Variants in NCKAP5 observed in about 807,000 individuals in gnomAD.
The protein encoded by NCKAP5 is NCK associated protein 5, also known as nck-associated protein 5.
In NCKAP5, 92 loss-of-function variants were observed where a neutral mutation model predicts 167.0. That is an observed-to-expected ratio of 0.55 (90% CI 0.47 to 0.66). The LOEUF (loss-of-function observed/expected upper bound fraction) is 0.66. Among genes scored for constraint, NCKAP5 ranks in the 30% least tolerant of loss-of-function variants. The probability of loss-of-function intolerance (pLI) is 0.00; values close to 1 mark genes in which losing one functional copy is unlikely to be tolerated. For synonymous variants in NCKAP5, 891 were observed against 877.4 expected, an observed-to-expected ratio of 1.02 and a Z score of -0.27; for missense variants, 2,378 against 2,315.0, an observed-to-expected ratio of 1.03 and a Z score of -0.56.
intron 4 of NCKAP5, among the ~76,000 whole-genome samples, chr2:133,298,373 T>C (rs1680112957): frequency 6.6e-6 from 1 of 152,178 alleles, no homozygotes; most frequent in South Asian, 2.1e-4. Flanking sequence ...TCTGACACTA[T>C]ATATAAGGCT....
At chr2:133,396,897 A>G in intron 3 of NCKAP5, among the ~76,000 whole-genome samples, 1 of 152,200 alleles carries the variant, frequency 6.6e-6, no homozygotes. Flanking sequence ...ACAGACTTCA[A>G]TTGAAATTCA....
At chr2:133,545,727 T>C (rs1176091334) in intron 2 of NCKAP5, among the ~76,000 whole-genome samples, 1 of 152,114 alleles carries the variant, frequency 6.6e-6, no homozygotes, top group African/African-American at 2.4e-5. Context: ...TGTGTGAGAA[T>C]TTCGTACCTT....
chr2:133,297,398 T>C (rs1680044445), intron 4 of NCKAP5, among the ~76,000 whole-genome samples: 1 of 152,204 alleles, frequency 6.6e-6, no homozygotes, highest in Non-Finnish European at 1.5e-5. Context: ...TGCTAGACAG[T>C]TATTTATGAA....
At chr2:133,589,008 C>G in the NCKAP5 span, among the ~76,000 whole-genome samples, 2 of 152,144 alleles carry the variant, frequency 1.3e-5, no homozygotes, top group African/African-American at 4.8e-5. Flanking sequence ...CCATTGCAGA[C>G]AAGGTAGCAA....
At position 132,725,864 on chromosome 2, in the gene NCKAP5, C is replaced by T; in HGVS notation, c.5581-105G>A. On this transcript the variant is annotated intron_variant, in intron 18 of 19. Coordinates refer to ENST00000409261, the MANE Select transcript of NCKAP5 (RefSeq NM_207363.3). Reference sequence around the variant, plus strand: ...GTTCACATCTGGCTGTCAATGTGTGCACAGAATTCCATTCCCACTGCCCAG... The same window carrying T: ...GTTCACATCTGGCTGTCAATGTGTGTACAGAATTCCATTCCCACTGCCCAG... The T allele has an allele frequency of 5.8e-6, 7 of 1,208,434 alleles. No individual in the cohort carries two copies. In the South Asian group the frequency reaches 9.9e-5, roughly 17 times the overall value. 74.9% of individuals were successfully genotyped at this position (1,208,434 alleles called of 1,614,324 possible).
At chr2:133,661,183 C>T in the NCKAP5 span, among the ~76,000 whole-genome samples, 9 of 151,282 alleles carry the variant, frequency 5.9e-5, no homozygotes, top group Non-Finnish European at 1.0e-4. Context: ...TAGGTGGGTG[C>T]GAAGAAGATG....
intron 11 of NCKAP5, among the ~76,000 whole-genome samples, chr2:132,836,067 A>G (rs1014924527): frequency 4.6e-5 from 7 of 152,236 alleles, no homozygotes; most frequent in Non-Finnish European, 1.0e-4. Flanking sequence ...ATAGCAAGTG[A>G]GTAGCAGAAC....
chr2:132,851,492 G>A (rs1338939599), intron 11 of NCKAP5, among the ~76,000 whole-genome samples: 1 of 152,168 alleles, frequency 6.6e-6, no homozygotes, highest in Non-Finnish European at 1.5e-5. Context: ...AGCTGCAGCA[G>A]GCCAGGCACA....
At chr2:133,453,389 C>A (rs946993713) in intron 3 of NCKAP5, among the ~76,000 whole-genome samples, 2 of 152,108 alleles carry the variant, frequency 1.3e-5, no homozygotes, top group Admixed American at 6.6e-5. Flanking sequence ...AAATCTCACC[C>A]ACTTAAAATA....
chr2:132,694,986 G>C (rs968858324), intron 19 of NCKAP5, among the ~76,000 whole-genome samples: 1 of 152,150 alleles, frequency 6.6e-6, no homozygotes, highest in Non-Finnish European at 1.5e-5. Context: ...GGTGTCTGGT[G>C]AGGGCTTCTG....
the NCKAP5 span, among the ~76,000 whole-genome samples, chr2:133,640,627 T>A: frequency 6.6e-6 from 1 of 152,176 alleles, no homozygotes; most frequent in Non-Finnish European, 1.5e-5. Flanking sequence ...TAAAACACTT[T>A]CTAGACTACC....
intron 5 of NCKAP5, among the ~76,000 whole-genome samples, chr2:133,135,096 G>A (rs370128132): frequency 4.7e-4 from 72 of 152,146 alleles, no homozygotes; most frequent in African/African-American, 1.7e-3. Context: ...GAGGGCTGGC[G>A]CTAAATAAAC....
chr2:133,616,089 T>C, the NCKAP5 span, among the ~76,000 whole-genome samples: 415 of 151,768 alleles, frequency 2.7e-3, 3 homozygotes, highest in Non-Finnish European at 3.5e-3. Flanking sequence ...AATAAAGATG[T>C]TCTTTGAAAC....
intron 4 of NCKAP5, among the ~76,000 whole-genome samples, chr2:133,241,526 G>A (rs1054349379): frequency 6.6e-6 from 1 of 152,200 alleles, no homozygotes; most frequent in Non-Finnish European, 1.5e-5. Flanking sequence ...CCCTGGCACT[G>A]ACATTCATTT....
chr2:132,782,773 G>A lies in NCKAP5; in HGVS notation c.4038C>T (p.Ser1346=), dbSNP rs930418899. 1 of 1,613,870 alleles carries A rather than the reference G, an allele frequency of 6.2e-7. No homozygotes were observed. The highest frequency in any genetic ancestry group is 8.5e-7 in the Non-Finnish European group (1 of 1,179,810). ...PSVGRPSGHP[S]SGKGSLGSSG... ...AGCTCCCCAGGGAGCCCTTCCCGGA[G>A]GAGGGGTGCCCCGAGGGCCTCCCAA... The change falls in exon 14 of 20, where the codon TCC becomes TCT. Residue 1346 remains serine, a synonymous_variant. Coordinates refer to ENST00000409261, the MANE Select transcript of NCKAP5 (RefSeq NM_207363.3).
chr2:133,636,147 A>G, the NCKAP5 span, among the ~76,000 whole-genome samples: 4 of 152,234 alleles, frequency 2.6e-5, no homozygotes, highest in East Asian at 5.8e-4. Flanking sequence ...GGCGATAAAA[A>G]ACTATCAAAG....
chr2:133,669,113 C>G, the NCKAP5 span, among the ~76,000 whole-genome samples: 1 of 152,088 alleles, frequency 6.6e-6, no homozygotes, highest in East Asian at 1.9e-4. Context: ...TAGTAGTGAC[C>G]TAGTAGTGAC....
chr2:132,699,077 T>C (rs1395108426), intron 19 of NCKAP5, among the ~76,000 whole-genome samples: 1 of 152,168 alleles, frequency 6.6e-6, no homozygotes, highest in African/African-American at 2.4e-5. Context: ...CTTTTGTTAT[T>C]ATCATCATTG....
In NCKAP5 at chr2:132,837,844, G is replaced by C. The variant is rs965607579; in HGVS notation, c.807+22648C>G. ...CCACTGGGGAGACCTCCAAATGCCA[G>C]GAACTGGAGGCTGTTTAGCTCCTGC... is the stretch of plus-strand genomic sequence containing the variant. On this transcript the variant is annotated intron_variant, in intron 11 of 19. Transcript: ENST00000409261. Among the ~76,000 whole-genome samples, 11 of 152,182 alleles carry C rather than the reference G, an allele frequency of 7.2e-5. No individual in the cohort carries two copies. The East Asian group carries it at 2.1e-3, about 29-fold the overall frequency.
Sources: gnomAD v4.1 joint callset for allele counts (sites outside exome capture counted in the v4.1 genomes callset) on GRCh38, gnomAD v4.1.1 for gene constraint, MANE v1.5 for transcripts, NCBI Gene and HGNC (gene_info 2026-07-23, HGNC 2026-07-21) for gene names.